The following GSE1 variants were observed in gnomAD, a reference collection of about 807,000 sequenced individuals.
GSE1 encodes the protein Gse1 coiled-coil protein, also known as genetic suppressor element 1.
Under a neutral mutation model 112.6 loss-of-function variants are expected in GSE1, and 32 were observed. That is an observed-to-expected ratio of 0.28 (90% CI 0.21 to 0.38). GSE1 has a LOEUF of 0.38. GSE1 is among the 10% of genes least tolerant of loss of function. GSE1 has a pLI of 1.00. For missense variants in GSE1, 2,348 were observed against 1,699.2 expected (o/e 1.38, Z -6.71); for synonymous variants, 1,115 against 735.6 (o/e 1.52, Z -8.35).
chr16:85,511,647 G>A (rs2051750321), intron 2 of GSE1, among the ~76,000 whole-genome samples: 2 of 152,194 alleles, frequency 1.3e-5, no homozygotes, highest in African/African-American at 4.8e-5. Flanking sequence ...TAAGGATTTG[G>A]AGATGGGATT....
chr16:85,670,798 C>G (rs1200234185), intron 14 of GSE1, 197 bp from the exon 15 acceptor site: 6 of 424,310 alleles, frequency 1.4e-5, no homozygotes, highest in South Asian at 4.0e-5. Flanking sequence ...GTGTATTGGG[C>G]TTAATTTAGT....
intron 2 of GSE1, among the ~76,000 whole-genome samples, chr16:85,446,871 C>T (rs116244738): frequency 3.3e-5 from 5 of 152,120 alleles, no homozygotes; most frequent in African/African-American, 7.2e-5. Context: ...ACCCCGCTCC[C>T]GCTGTCCCCA....
intron 1 of GSE1, among the ~76,000 whole-genome samples, chr16:85,186,407 A>G (rs1401519695): frequency 6.6e-6 from 1 of 152,084 alleles, no homozygotes; most frequent in African/African-American, 2.4e-5. Flanking sequence ...GATCAAGACC[A>G]TCCTGGCCAA....
chr16:85,659,278 C>T (rs558272181), intron 8 of GSE1: 2 of 152,394 alleles, frequency 1.3e-5, no homozygotes, highest in African/African-American at 4.8e-5. Flanking sequence ...CCTGCTGTGG[C>T]CTCTGCCTCT....
At chr16:85,540,064 T>G (rs8046413) in intron 2 of GSE1, among the ~76,000 whole-genome samples, 7,738 of 152,338 alleles carry the variant, frequency 0.051, 230 homozygotes, top group Middle Eastern at 0.11. Context: ...CCAAAGTCAC[T>G]GCAGGTCTGC....
chr16:85,210,241 T>G (rs1260908739), intron 1 of GSE1, among the ~76,000 whole-genome samples: 1 of 152,176 alleles, frequency 6.6e-6, no homozygotes, highest in East Asian at 1.9e-4. Context: ...AAGTAACTCA[T>G]AAGAAGGGAA....
chr16:85,458,049 G>C (rs142656867), intron 2 of GSE1, among the ~76,000 whole-genome samples: 1 of 152,212 alleles, frequency 6.6e-6, no homozygotes. Context: ...CCTGGTTGCT[G>C]TCTTCTAGTG....
chr16:85,521,366 G>A (rs2052179909), intron 2 of GSE1, among the ~76,000 whole-genome samples: 1 of 152,204 alleles, frequency 6.6e-6, no homozygotes, highest in African/African-American at 2.4e-5. Context: ...GAAGCAGCCA[G>A]GATGGGGTCC....
intron 1 of GSE1, among the ~76,000 whole-genome samples, chr16:85,280,240 C>T (rs1201531129): frequency 1.3e-5 from 2 of 152,046 alleles, no homozygotes; most frequent in African/African-American, 4.8e-5. Context: ...ACACCCGGCC[C>T]CTGCTTTCCA....
chr16:85,331,351 GTGTGTGTGTGTGTGTATATA>G lies in GSE1; in HGVS notation c.2284-26108_2284-26089del, dbSNP rs1335749525. On this transcript the variant is annotated intron_variant, in intron 1 of 2. Coordinates refer to the GSE1 transcript ENST00000637419. Reference sequence around the variant, plus strand: ...TGTGTGTGTGTGTGTGTGTGTGTGTGTGTGTGTGTGTGTGTATATATGTATATATATGTATATATATGTGT... The same window carrying G: ...TGTGTGTGTGTGTGTGTGTGTGTGTGTGTATATATATGTATATATATGTGT... Among the ~76,000 whole-genome samples the G allele has an allele frequency of 5.0e-3, 588 of 118,496 alleles. 30 individuals carry two copies. The highest frequency in any genetic ancestry group is 0.021 in the African/African-American group (558 of 26,280). 77.7% of individuals were successfully genotyped at this position (118,496 alleles called of 152,430 possible). A position where few individuals can be genotyped will look rare whatever the true frequency, so the allele number is the denominator to read the frequency against.
intron 2 of GSE1, among the ~76,000 whole-genome samples, chr16:85,485,095 C>T (rs1268864629): frequency 6.6e-6 from 1 of 152,234 alleles, no homozygotes; most frequent in African/African-American, 2.4e-5. Context: ...CTTCCGCCAC[C>T]ACAGACAAAA....
chr16:85,555,788 G>A (rs547251307), upstream of GSE1: 47 of 974,420 alleles, frequency 4.8e-5, 1 homozygote, highest in African/African-American at 8.4e-4. Flanking sequence ...ATTGCTACTC[G>A]CACGTCCTGG....
At chr16:85,403,833 T>C (rs1341732372) in intron 2 of GSE1, among the ~76,000 whole-genome samples, 1 of 152,042 alleles carries the variant, frequency 6.6e-6, no homozygotes, top group African/African-American at 2.4e-5. Context: ...CAGAAATGTA[T>C]TCTGCCACAG....
intron 2 of GSE1, among the ~76,000 whole-genome samples, chr16:85,525,035 G>A (rs1029809719): frequency 6.6e-6 from 1 of 152,220 alleles, no homozygotes; most frequent in Non-Finnish European, 1.5e-5. Flanking sequence ...CTCACTGGCT[G>A]CCCGCAGCCT....
At chr16:85,561,832 G>A (rs199724149) in intron 1 of GSE1, among the ~76,000 whole-genome samples, 6 of 152,338 alleles carry the variant, frequency 3.9e-5, no homozygotes, top group East Asian at 3.9e-4. Flanking sequence ...TGTGGGGGCC[G>A]CTGGGTTCTA....
chr16:85,621,564 G>A (rs1388550218), intron 1 of GSE1, among the ~76,000 whole-genome samples: 2 of 152,210 alleles, frequency 1.3e-5, no homozygotes, highest in Admixed American at 6.5e-5. Context: ...CCAGACCCCT[G>A]GAGCCTGTCA....
In GSE1 at chr16:85,378,788, C is replaced by T. The variant is rs556491187; in HGVS notation, c.2464+21145C>T. On this transcript the variant is annotated intron_variant, in intron 2 of 2. Coordinates refer to the GSE1 transcript ENST00000637419. ...AAAGCACCTGCCAGTCCCCTCCCCA[C>T]CTTCGTCCCTGTCCTTGTGGCTACC... is the stretch of plus-strand genomic sequence containing the variant. Among the ~76,000 whole-genome samples, 4 of 152,284 alleles carry T rather than the reference C, an allele frequency of 2.6e-5. No individual in the cohort carries two copies. In the South Asian group the frequency reaches 8.3e-4, roughly 32 times the overall value.
intron 1 of GSE1, among the ~76,000 whole-genome samples, chr16:85,314,561 C>G (rs1414276055): frequency 6.6e-6 from 1 of 151,530 alleles, no homozygotes; most frequent in Non-Finnish European, 1.5e-5. Flanking sequence ...AGCATGTACA[C>G]ACACACACGT....
chr16:85,654,891 A>G lies in GSE1; in HGVS notation c.697A>G (p.Met233Val), dbSNP rs775824997. The G allele has an allele frequency of 6.2e-6, 10 of 1,611,260 alleles. No individual in the cohort carries two copies. The highest frequency in any genetic ancestry group is 1.1e-5 in the South Asian group (1 of 90,996). The change falls in exon 5 of 16, where the codon ATG (methionine) becomes GTG (valine). Residue 233 changes from methionine to valine, a missense_variant. Physicochemically the swap from Met to Val is conservative, Grantham distance 21. Coordinates refer to ENST00000253458, the MANE Select transcript of GSE1 (RefSeq NM_014615.5). ...CTACCACACCACCGACGACCTCCGC[A>G]TGTCCTCACTGCCTCCCCTCGGCCT... ...RPYHTTDDLR[M>V]SSLPPLGLDP...
Sources: gnomAD v4.1 joint callset for allele counts (sites outside exome capture counted in the v4.1 genomes callset) on GRCh38, gnomAD v4.1.1 for gene constraint, MANE v1.5 for transcripts, NCBI Gene and HGNC (gene_info 2026-07-23, HGNC 2026-07-21) for gene names.